The following NR2C1 variants were observed in gnomAD, a reference collection of about 807,000 sequenced individuals.
NR2C1 encodes the protein TR2 nuclear hormone receptor.
In NR2C1, 33 loss-of-function variants were observed where a neutral mutation model predicts 74.8. The observed-to-expected ratio is 0.44, with a 90% CI of 0.33 to 0.59. NR2C1 has a LOEUF of 0.59. NR2C1 is among the 20% of genes least tolerant of loss of function. The pLI, the probability that NR2C1 is intolerant of heterozygous loss-of-function variation, is 0.02. For missense variants in NR2C1, 568 were observed against 715.6 expected, an observed-to-expected ratio of 0.79 and a Z score of 2.35; for synonymous variants, 225 against 240.6, an observed-to-expected ratio of 0.94 and a Z score of 0.60.
intron 1 of NR2C1, among the ~76,000 whole-genome samples, chr12:95,068,739 A>G (rs1382112551): frequency 6.6e-6 from 1 of 151,644 alleles, no homozygotes; most frequent in African/African-American, 2.4e-5. Context: ...GGTTGCGGTG[A>G]GCCGAGATTG....
intron 12 of NR2C1, among the ~76,000 whole-genome samples, chr12:95,026,308 A>T (rs1391029132): frequency 1.3e-5 from 2 of 152,188 alleles, no homozygotes; most frequent in Non-Finnish European, 2.9e-5. Context: ...GTAAAAAGGT[A>T]TATAAGAAAT....
chr12:95,031,934 C>T (rs1182213494), intron 10 of NR2C1, among the ~76,000 whole-genome samples: 2 of 152,206 alleles, frequency 1.3e-5, no homozygotes, highest in African/African-American at 2.4e-5. Context: ...ATGGCGTGAT[C>T]TCTGCTCACT....
chr12:95,046,135 C>T (rs774058718), intron 9 of NR2C1, among the ~76,000 whole-genome samples: 12 of 152,098 alleles, frequency 7.9e-5, no homozygotes, highest in Non-Finnish European at 1.0e-4. Flanking sequence ...CCACCACACC[C>T]GGCCAATAAA....
chr12:95,024,878 G>C (rs892071063), intron 13 of NR2C1, among the ~76,000 whole-genome samples: 10 of 152,134 alleles, frequency 6.6e-5, no homozygotes, highest in Non-Finnish European at 1.5e-4. Context: ...CAGACTACTT[G>C]GGTCACAGTC....
chr12:95,072,455 CA>C (rs570185714), intron 1 of NR2C1, among the ~76,000 whole-genome samples: 1,370 of 60,232 alleles, frequency 0.023, 11 homozygotes, highest in African/African-American at 0.074. Context: ...CTCTCCCTCT[CA>C]AAAAAAAAAA....
intron 10 of NR2C1, among the ~76,000 whole-genome samples, chr12:95,032,050 T>G (rs887488679): frequency 6.6e-6 from 1 of 152,194 alleles, no homozygotes; most frequent in African/African-American, 2.4e-5. Flanking sequence ...GTATTTTTAG[T>G]AGAGACAAGG....
intron 10 of NR2C1, among the ~76,000 whole-genome samples, chr12:95,032,509 C>T (rs1489884858): frequency 6.7e-6 from 1 of 148,482 alleles, no homozygotes; most frequent in African/African-American, 2.5e-5. Context: ...AAAATGAAAA[C>T]ATTAGCCGAG....
At chr12:95,064,142 A>C (rs986848641) in intron 2 of NR2C1, among the ~76,000 whole-genome samples, 1 of 149,998 alleles carries the variant, frequency 6.7e-6, no homozygotes, top group Non-Finnish European at 1.5e-5. Flanking sequence ...AACCTAGCTA[A>C]CACAGTGAAA....
intron 4 of NR2C1, 38 bp downstream of exon 4, chr12:95,059,868 T>C: frequency 6.9e-7 from 1 of 1,454,694 alleles, no homozygotes; most frequent in Non-Finnish European, 9.4e-7. Context: ...GGAGGTTATT[T>C]TTTTTTTCTG....
chr12:95,057,229 C>A (rs942619461), intron 7 of NR2C1, among the ~76,000 whole-genome samples: 1 of 151,040 alleles, frequency 6.6e-6, no homozygotes, highest in African/African-American at 2.4e-5. Flanking sequence ...CTCAGCCTCC[C>A]GAGTAGCTGG....
chr12:95,049,646 G>A (rs58482105), intron 8 of NR2C1, among the ~76,000 whole-genome samples: 3,129 of 151,884 alleles, frequency 0.021, 97 homozygotes, highest in African/African-American at 0.071. Flanking sequence ...AACATTATAT[G>A]TATGATATAT....
intron 9 of NR2C1, among the ~76,000 whole-genome samples, chr12:95,047,771 C>T (rs1309030883): frequency 2.0e-5 from 3 of 152,172 alleles, no homozygotes; most frequent in African/African-American, 7.2e-5. Context: ...GTCAAAACAA[C>T]AGGATCGTAA....
At chr12:95,067,297 G>C in intron 2 of NR2C1, 34 bp downstream of exon 2, 3 of 1,582,628 alleles carry the variant, frequency 1.9e-6, no homozygotes, top group Non-Finnish European at 2.6e-6. Flanking sequence ...GAAAAGTTTG[G>C]TGGGCCAGTG....
intron 9 of NR2C1, among the ~76,000 whole-genome samples, chr12:95,044,112 A>G (rs1161863549): frequency 6.6e-6 from 1 of 152,200 alleles, no homozygotes; most frequent in African/African-American, 2.4e-5. Flanking sequence ...AATTATACAC[A>G]TTTTTCAAAT....
intron 1 of NR2C1, among the ~76,000 whole-genome samples, chr12:95,067,655 C>A (rs1023601186): frequency 2.0e-5 from 3 of 151,674 alleles, no homozygotes; most frequent in African/African-American, 7.3e-5. Context: ...TCTCAACCTC[C>A]TGGGCTCAAG....
chr12:95,034,466 T>A (rs1032241613), intron 10 of NR2C1, among the ~76,000 whole-genome samples: 2 of 152,226 alleles, frequency 1.3e-5, no homozygotes, highest in African/African-American at 4.8e-5. Context: ...GTATTCATTC[T>A]CATACACTGC....
intron 7 of NR2C1, 65 bp downstream of exon 7, chr12:95,057,488 G>A (rs1254952024): frequency 2.6e-6 from 3 of 1,136,742 alleles, no homozygotes; most frequent in African/African-American, 1.6e-5. Context: ...CAAAGCAAAG[G>A]AAGTGATTAG....
chr12:95,073,085 G>C (rs893853882), intron 1 of NR2C1: 4 of 152,298 alleles, frequency 2.6e-5, no homozygotes, highest in Non-Finnish European at 5.9e-5. Context: ...GCTGCGGTAA[G>C]CGCAGCTGGA....
At chr12:95,038,061 AAG>A (rs1394882086) in intron 10 of NR2C1, among the ~76,000 whole-genome samples, 1 of 152,192 alleles carries the variant, frequency 6.6e-6, no homozygotes, top group African/African-American at 2.4e-5. Context: ...GATAAAAAAT[AAG>A]AGTTTACATA....
Sources: gnomAD v4.1 joint callset for allele counts (sites outside exome capture counted in the v4.1 genomes callset) on GRCh38, gnomAD v4.1.1 for gene constraint, MANE v1.5 for transcripts, NCBI Gene and HGNC (gene_info 2026-07-23, HGNC 2026-07-21) for gene names.